UBE4A: variants seen among roughly 807,000 people sequenced by gnomAD.
The protein encoded by UBE4A is ubiquitin conjugation factor E4 A.
Under a neutral mutation model 117.9 loss-of-function variants are expected in UBE4A, and 48 were observed. The ratio of observed to expected loss-of-function variants is 0.41; its 90% CI spans 0.32 to 0.52. UBE4A has a LOEUF of 0.52. UBE4A is among the 20% of genes least tolerant of loss of function. The pLI is 0.33. For synonymous variants in UBE4A, 407 were observed against 450.0 expected, an observed-to-expected ratio of 0.90 and a Z score of 1.21; for missense variants, 1,067 against 1,296.3, an observed-to-expected ratio of 0.82 and a Z score of 2.72.
At chr11:118,396,254 T>C (rs1948871645) in intron 19 of UBE4A, 60 bp from the exon 20 acceptor site, 3 of 1,558,280 alleles carry the variant, frequency 1.9e-6, no homozygotes, top group Non-Finnish European at 2.6e-6. Context: ...GTTCTGTTTT[T>C]GGCTTAGAAT....
intron 2 of UBE4A, among the ~76,000 whole-genome samples, chr11:118,366,898 G>A (rs1274553710): frequency 3.3e-5 from 5 of 150,664 alleles, no homozygotes; most frequent in African/African-American, 1.2e-4. Flanking sequence ...ACAAAACCCC[G>A]TCTCTACTAA....
rs1555126332 is a variant in UBE4A at position 118,381,450 on chromosome 11, A to G, written c.1936A>G (p.Ile646Val). 1.2e-6 allele frequency: 2 copies of G among 1,614,156 alleles called. No homozygotes were observed. Among genetic ancestry groups the G allele is most frequent in the East Asian group, 4.5e-5 (2 of 44,882 alleles). The stretch of plus-strand genomic sequence containing the variant: ...TTTTCTCCGCCGCTTTGCCGATGAC[A>G]TTTTGGAGACATCAGCAGATTCCCT... The part of the protein sequence containing the change: ...LIFLRRFADD[I>V]LETSADSLEH... The change falls in exon 12 of 20, where the codon ATT (isoleucine) becomes GTT (valine). Residue 646 changes from isoleucine to valine, a missense_variant. Physicochemically the swap from Ile to Val is conservative, Grantham distance 29. Coordinates refer to ENST00000252108, the MANE Select transcript of UBE4A (RefSeq NM_001204077.2).
chr11:118,370,970 C>G (rs1268199379), intron 4 of UBE4A, among the ~76,000 whole-genome samples: 1 of 152,174 alleles, frequency 6.6e-6, no homozygotes, highest in Admixed American at 6.5e-5. Context: ...CAGACACCTC[C>G]CACTAGCCCC....
At chr11:118,386,316 C>A in intron 15 of UBE4A, 122 bp from the exon 16 acceptor site, 1 of 1,116,634 alleles carries the variant, frequency 9.0e-7, no homozygotes, top group South Asian at 1.7e-5. Context: ...AGGCTCATGT[C>A]TTTTACATGG....
chr11:118,374,888 T>C lies in UBE4A; in HGVS notation c.1117-8T>C. On this transcript the variant is annotated splice_region_variant and splice_polypyrimidine_tract_variant and intron_variant, in intron 8 of 19. Transcript: ENST00000252108. ...AACGTTCTGTGGTTGTGTTTTCTGG[T>C]TGAACAGTTCATGGCTCAGTTCCAC... The C allele has an allele frequency of 6.7e-7, 1 of 1,500,544 alleles. No individual in the cohort carries two copies. Among genetic ancestry groups the C allele is most frequent in the East Asian group, 2.3e-5 (1 of 43,246 alleles). The allele number at this position is 1,500,544 out of a possible 1,614,324, so 93.0% of individuals were successfully genotyped here.
intron 9 of UBE4A, 40 bp from the exon 10 acceptor site, chr11:118,376,534 C>T (rs782435576): frequency 6.2e-7 from 1 of 1,603,240 alleles, no homozygotes; most frequent in East Asian, 2.2e-5. Context: ...GACTGGAGAC[C>T]AAGACATTTA....
In UBE4A at chr11:118,372,622, A is replaced by G. The variant is rs1948618337; in HGVS notation, c.677A>G (p.His226Arg). ...TPEIYVDQNI[H>R]EQLVDLMLEA... ...GAGATCTATGTTGACCAAAACATCCATGAGCAACTGGTAGATTTGATGTTA... is the reference window on the plus strand; with the variant it reads ...GAGATCTATGTTGACCAAAACATCCGTGAGCAACTGGTAGATTTGATGTTA... The change falls in exon 6 of 20, where the codon CAT (histidine) becomes CGT (arginine). Residue 226 changes from histidine to arginine, a missense_variant. Around this residue, in one of 3 missense-constraint regions of UBE4A, gnomAD observed 1,001 missense variants for 1,184.0 expected, o/e 0.85. Transcript: ENST00000252108. The G allele has an allele frequency of 1.2e-6, 2 of 1,614,084 alleles. No individual in the cohort carries two copies. Among genetic ancestry groups the G allele is most frequent in the East Asian group, 2.2e-5 (1 of 44,904 alleles).
chr11:118,390,384 AAT>A (rs1555128088), intron 17 of UBE4A, among the ~76,000 whole-genome samples: 3 of 145,592 alleles, frequency 2.1e-5, no homozygotes, highest in Non-Finnish European at 4.5e-5. Flanking sequence ...TAATATATTT[AAT>A]ATATATTATT....
At chr11:118,380,496 C>T (rs1317071629) in intron 11 of UBE4A, among the ~76,000 whole-genome samples, 5 of 151,998 alleles carry the variant, frequency 3.3e-5, no homozygotes, top group East Asian at 1.9e-4. Flanking sequence ...GTGAGAGAAT[C>T]GCTTGAGCCC....
intron 4 of UBE4A, among the ~76,000 whole-genome samples, chr11:118,371,094 T>C (rs1204782918): frequency 6.6e-6 from 1 of 152,216 alleles, no homozygotes; most frequent in East Asian, 1.9e-4. Flanking sequence ...TGCAGGTGCC[T>C]GAGTAACATT....
chr11:118,363,441 G>A (rs1350790768), intron 1 of UBE4A, among the ~76,000 whole-genome samples: 1 of 152,062 alleles, frequency 6.6e-6, no homozygotes. Context: ...ACTGAGAGGA[G>A]ACTAGACTGC....
At chr11:118,373,426 AG>A in intron 7 of UBE4A, 67 bp from the exon 8 acceptor site, 1 of 1,541,424 alleles carries the variant, frequency 6.5e-7, no homozygotes, top group Non-Finnish European at 8.8e-7. Context: ...AACTGTTTTG[AG>A]GCCCTCCCAC....
At position 118,369,196 on chromosome 11, in the gene UBE4A, G is replaced by A. The variant is rs562054374; in HGVS notation, c.296-227G>A. Among the ~76,000 whole-genome samples, 15 of 152,204 alleles carry A rather than the reference G, an allele frequency of 9.9e-5. 1 individual carries two copies. Among genetic ancestry groups the A allele is most frequent in the Non-Finnish European group, 1.9e-4 (13 of 68,016 alleles). ...CCCCAAGGTTGGTACTAATGTCTGG[G>A]ATTTACTCTTTAAATGTCATGATGC... On this transcript the variant is annotated intron_variant, in intron 3 of 19. Transcript: ENST00000252108.
rs59986087 is a variant in UBE4A, at chr11:118,392,867, A to C, written c.3046A>C (p.Arg1016=). Residue 1016 remains arginine, a synonymous_variant, in exon 19 of 20, where the codon AGA becomes CGA. Coordinates refer to ENST00000252108, the MANE Select transcript of UBE4A (RefSeq NM_001204077.2). Reference sequence around the variant, plus strand: ...GCCATCTTCCAGAGTCACTGTGGATAGATCCACCATTGCAAGACATTTGCT... The same window carrying C: ...GCCATCTTCCAGAGTCACTGTGGATCGATCCACCATTGCAAGACATTTGCT... ...VLPSSRVTVD[R]STIARHLLSD... 5.1e-4 allele frequency: 831 copies of C among 1,614,116 alleles called. 6 individuals carry two copies. The African/African-American group carries it at 0.01, about 20-fold the overall frequency.
chr11:118,370,580 G>A (rs1047403325), intron 4 of UBE4A, among the ~76,000 whole-genome samples: 4 of 150,252 alleles, frequency 2.7e-5, no homozygotes, highest in South Asian at 4.2e-4. Context: ...ATAGTCACAC[G>A]ACTGCACTCC....
rs782361964 is a variant in UBE4A at position 118,397,555 on chromosome 11, T to A, written c.*1115T>A. On this transcript the variant is annotated 3_prime_UTR_variant, in exon 20 of 20. Transcript: ENST00000252108. Reference sequence around the variant, plus strand: ...ACCTTGTCCACAGCCATTTTAAATATCCACTTAGCCCTGTGTAGTTGGTAG... The same window carrying A: ...ACCTTGTCCACAGCCATTTTAAATAACCACTTAGCCCTGTGTAGTTGGTAG... The A allele has an allele frequency of 6.6e-6, 1 of 152,220 alleles. No homozygotes were observed. The highest frequency in any genetic ancestry group is 2.4e-5 in the African/African-American group (1 of 41,448). 9.4% of individuals were successfully genotyped at this position (152,220 alleles called of 1,614,324 possible). A position where few individuals can be genotyped will look rare whatever the true frequency, so the allele number is the denominator to read the frequency against.
At chr11:118,379,299 C>G (rs1948679076) in intron 10 of UBE4A, 147 bp from the exon 11 acceptor site, 2 of 846,894 alleles carry the variant, frequency 2.4e-6, no homozygotes, top group Admixed American at 4.9e-5. Flanking sequence ...TGTGTCCTGT[C>G]AAAAACTTTT....
At position 118,384,689 on chromosome 11, in the gene UBE4A, T is replaced by G. The variant is rs1414048655; in HGVS notation, c.2252T>G (p.Ile751Ser). 1 of 1,614,114 alleles carries G rather than the reference T, an allele frequency of 6.2e-7. No individual in the cohort carries two copies. Among genetic ancestry groups the G allele is most frequent in the Non-Finnish European group, 8.5e-7 (1 of 1,180,016 alleles). ...AATTACCGCCGTCCCATGTATCCTA[T>G]CCTAAGATACATGTGGGGGACAGAT... ...KFNYRRPMYPILRYMWGTDTY... is the reference protein window; with the variant it reads ...KFNYRRPMYPSLRYMWGTDTY... Residue 751 changes from isoleucine to serine, a missense_variant, in exon 14 of 20, where the codon ATC (isoleucine) becomes AGC (serine). Coordinates refer to ENST00000252108, the MANE Select transcript of UBE4A (RefSeq NM_001204077.2).
intron 16 of UBE4A, among the ~76,000 whole-genome samples, chr11:118,389,286 A>G (rs1565538933): frequency 1.3e-5 from 2 of 152,318 alleles, no homozygotes; most frequent in East Asian, 3.9e-4. Flanking sequence ...TAATAGCCAC[A>G]TATGGCCAGT....
Sources: allele counts gnomAD v4.1 joint callset (sites outside exome capture counted in the v4.1 genomes callset), GRCh38; gene constraint gnomAD v4.1.1; regional missense constraint gnomAD v4.1.1; transcripts MANE v1.5; gene names NCBI Gene and HGNC (gene_info 2026-07-23, HGNC 2026-07-21).